The following CNTN5 variants were observed in gnomAD, a reference collection of about 807,000 sequenced individuals.
CNTN5 encodes contactin 5.
CNTN5 carries 77 observed loss-of-function variants against 129.1 expected under a neutral mutation model. That is an observed-to-expected ratio of 0.60 (90% CI 0.50 to 0.72). The LOEUF is 0.72. Ranked by LOEUF, CNTN5 falls within the 30% of genes least tolerant of loss-of-function variation. The probability of loss-of-function intolerance (pLI) is 0.00; values close to 1 mark genes in which losing one functional copy is unlikely to be tolerated. For missense variants in CNTN5, 1,478 were observed against 1,328.8 expected (o/e 1.11, Z -1.75); for synonymous variants, 509 against 465.6 (o/e 1.09, Z -1.20).
At chr11:100,213,074 G>A (rs972706708) in intron 15 of CNTN5, among the ~76,000 whole-genome samples, 4 of 151,954 alleles carry the variant, frequency 2.6e-5, no homozygotes, top group African/African-American at 9.7e-5. Flanking sequence ...TAAAGTTAAA[G>A]ATTTTCTCTA....
chr11:99,965,152 T>C lies in CNTN5; in HGVS notation c.877+8143T>C, dbSNP rs572217109. 3.2e-4 allele frequency among the ~76,000 whole-genome samples: 49 copies of C among 152,250 alleles called. 1 individual carries two copies. Among genetic ancestry groups the C allele is most frequent in the Admixed American group, 2.4e-3 (37 of 15,292 alleles). On this transcript the variant is annotated intron_variant, in intron 8 of 24. Coordinates refer to ENST00000524871, the MANE Select transcript of CNTN5 (RefSeq NM_014361.4). ...ATTTTTTGAACGGTTTTTTGTGTCTTTATTTCCTTTAATTCTGCTCTGATC... is the reference window on the plus strand; with the variant it reads ...ATTTTTTGAACGGTTTTTTGTGTCTCTATTTCCTTTAATTCTGCTCTGATC...
chr11:99,922,167 G>T (rs183498927), intron 7 of CNTN5, among the ~76,000 whole-genome samples: 1 of 152,138 alleles, frequency 6.6e-6, no homozygotes, highest in Admixed American at 6.5e-5. Context: ...GCAAAGGTGC[G>T]TCTTACGTGG....
chr11:100,245,730 A>G (rs1949827299), intron 16 of CNTN5, among the ~76,000 whole-genome samples: 1 of 152,194 alleles, frequency 6.6e-6, no homozygotes, highest in Non-Finnish European at 1.5e-5. Context: ...AGTTTTATGT[A>G]GTAATGAAAA....
intron 2 of CNTN5, among the ~76,000 whole-genome samples, chr11:99,375,453 T>TAGTC (rs571018669): frequency 1.1e-4 from 17 of 151,840 alleles, no homozygotes; most frequent in Admixed American, 3.3e-4. Context: ...TTAGAGAGTA[T>TAGTC]AGTCAGGAGC....
chr11:100,134,574 C>A (rs923734365), intron 13 of CNTN5, among the ~76,000 whole-genome samples: 6 of 152,118 alleles, frequency 3.9e-5, no homozygotes, highest in African/African-American at 1.4e-4. Context: ...CATTGGACTA[C>A]AAATCCCTGT....
intron 3 of CNTN5, 151 bp from the exon 4 acceptor site, chr11:99,819,393 G>C: frequency 1.8e-6 from 1 of 569,068 alleles, no homozygotes; most frequent in Non-Finnish European, 2.9e-6. Context: ...AAATATAAAA[G>C]TAACATTTTT....
intron 3 of CNTN5, among the ~76,000 whole-genome samples, chr11:99,720,762 CA>C (rs1387697441): frequency 1.3e-5 from 2 of 152,086 alleles, no homozygotes; most frequent in African/African-American, 2.4e-5. Flanking sequence ...TAGTCTTGGA[CA>C]AAAGCTCCTT....
At chr11:99,244,832 C>G (rs1861736809) in intron 1 of CNTN5, among the ~76,000 whole-genome samples, 1 of 152,264 alleles carries the variant, frequency 6.6e-6, no homozygotes, top group African/African-American at 2.4e-5. Context: ...AGGAATTCCA[C>G]TCAAGTACCT....
intron 13 of CNTN5, among the ~76,000 whole-genome samples, chr11:100,102,727 T>C (rs941338073): frequency 6.6e-6 from 1 of 152,152 alleles, no homozygotes; most frequent in South Asian, 2.1e-4. Flanking sequence ...ATATATTTTA[T>C]TTATCCTAGG....
chr11:100,327,258 T>G (rs949800881), intron 21 of CNTN5, among the ~76,000 whole-genome samples: 2 of 152,172 alleles, frequency 1.3e-5, no homozygotes, highest in Admixed American at 1.3e-4. Context: ...TAATCCTAGC[T>G]CCTTAACATG....
At chr11:99,876,992 C>T (rs72991370) in intron 6 of CNTN5, among the ~76,000 whole-genome samples, 1 of 151,830 alleles carries the variant, frequency 6.6e-6, no homozygotes, top group Non-Finnish European at 1.5e-5. Context: ...AGTGAGTTAT[C>T]TATGTAAATT....
intron 1 of CNTN5, among the ~76,000 whole-genome samples, chr11:99,124,074 T>C (rs1858497496): frequency 6.6e-6 from 1 of 152,102 alleles, no homozygotes; most frequent in Non-Finnish European, 1.5e-5. Flanking sequence ...AGAATGTCAC[T>C]GGTAGTTTAA....
chr11:99,201,021 CCT>C (rs1491369560), intron 1 of CNTN5, among the ~76,000 whole-genome samples: 1 of 96,016 alleles, frequency 1.0e-5, no homozygotes, highest in African/African-American at 3.7e-5. Flanking sequence ...TTCCTTCCTT[CCT>C]TTTTTTTTTT....
intron 2 of CNTN5, among the ~76,000 whole-genome samples, chr11:99,417,108 T>C (rs1310746883): frequency 6.6e-6 from 1 of 152,198 alleles, no homozygotes; most frequent in Non-Finnish European, 1.5e-5. Context: ...TTTTTTAAAA[T>C]TAATTTTTAA....
chr11:99,425,401 G>T (rs769882413), intron 2 of CNTN5, among the ~76,000 whole-genome samples: 1 of 152,158 alleles, frequency 6.6e-6, no homozygotes, highest in African/African-American at 2.4e-5. Flanking sequence ...CATCCATGGC[G>T]CCAAGGTTGT....
At chr11:100,179,376 C>T (rs956376081) in intron 13 of CNTN5, among the ~76,000 whole-genome samples, 1 of 152,068 alleles carries the variant, frequency 6.6e-6, no homozygotes, top group African/African-American at 2.4e-5. Flanking sequence ...ACAGAGAAAA[C>T]TTCTATGGAA....
At chr11:99,214,216 T>C (rs1421763372) in intron 1 of CNTN5, among the ~76,000 whole-genome samples, 1 of 151,882 alleles carries the variant, frequency 6.6e-6, no homozygotes, top group Non-Finnish European at 1.5e-5. Context: ...GAAATGGTAG[T>C]TTGGACAAAG....
intron 21 of CNTN5, among the ~76,000 whole-genome samples, chr11:100,321,696 G>A (rs991495464): frequency 1.3e-5 from 2 of 151,910 alleles, no homozygotes; most frequent in Non-Finnish European, 2.9e-5. Flanking sequence ...TGTTATTTAC[G>A]GCCTTTATTG....
chr11:99,325,296 T>A (rs1293806247), intron 1 of CNTN5, 50 bp from the exon 2 acceptor site: 4 of 131,776 alleles, frequency 3.0e-5, no homozygotes, highest in African/African-American at 1.3e-4. Flanking sequence ...CAAGCAAAGT[T>A]GAAAAAAAGG....
Sources: allele counts gnomAD v4.1 joint callset (sites outside exome capture counted in the v4.1 genomes callset), GRCh38; gene constraint gnomAD v4.1.1; transcripts MANE v1.5; gene names NCBI Gene and HGNC (gene_info 2026-07-23, HGNC 2026-07-21).